The following FLNA variants were observed in gnomAD, a reference collection of about 807,000 sequenced individuals.
FLNA encodes the protein filamin-A.
Under a neutral mutation model 157.6 loss-of-function variants are expected in FLNA, and 7 were observed. That is an observed-to-expected ratio of 0.04 (90% CI 0.03 to 0.08). FLNA has a LOEUF of 0.08. Among genes scored for constraint, FLNA ranks in the 10% least tolerant of loss-of-function variants. FLNA has a pLI of 1.00. For synonymous variants in FLNA, 1,103 were observed against 1,060.8 expected (o/e 1.04, Z -0.77); for missense variants, 1,750 against 2,398.4 (o/e 0.73, Z 5.65).
At position 154,348,987 on chromosome X, in the gene FLNA, C is replaced by T. The variant is rs1557175177; in HGVS notation, c.7806G>A (p.Glu2602=). 2 of 1,211,541 alleles carry T rather than the reference C, an allele frequency of 1.7e-6. No individual in the cohort carries two copies. Among genetic ancestry groups the T allele is most frequent in the East Asian group, 3.0e-5 (1 of 33,849 alleles). Residue 2602 remains glutamate, a synonymous_variant, in exon 48 of 48, where the codon GAG becomes GAA. Transcript: ENST00000369850. ...VGVHGPRTPC[E]EILVKHVGSR... ...TGCCCACGTGCTTCACCAGGATCTC[C>T]TCGCAGGGGGTCCTTGGGCCATGAA...
rs2067671791 is a variant in FLNA, at chrX:154,357,468, C to T, written c.4911G>A (p.Val1637=). 5 of 1,209,279 alleles carry T rather than the reference C, an allele frequency of 4.1e-6. No homozygotes were observed. The Admixed American group carries it at 8.7e-5, about 21-fold the overall frequency. The change falls in exon 29 of 48, where the codon GTG becomes GTA. Residue 1637 remains valine (V), a synonymous_variant. Coordinates refer to ENST00000369850, the MANE Select transcript of FLNA (RefSeq NM_001110556.2). ...IPFSPYRVRA[V]PTGDASKCTV... is the part of the protein sequence containing the mutation. ...TGCACTTGCTGGCGTCCCCGGTGGGCACGGCACGCACGCGGTACGGGGAGA... is the reference window on the plus strand; with the variant it reads ...TGCACTTGCTGGCGTCCCCGGTGGGTACGGCACGCACGCGGTACGGGGAGA...
Position 154,354,706 on chromosome X carries a change from C to G in FLNA, c.5223G>C (p.Leu1741=), listed in dbSNP as rs2148107137. 8.3e-7 allele frequency: 1 copy of G among 1,207,421 alleles called. No homozygotes were observed. The highest frequency in any genetic ancestry group is 1.1e-6 in the Non-Finnish European group (1 of 893,419). ...VPNSPFQVTA[L]AGDQPSVQPP... is the part of the protein sequence containing the mutation. ...GCTGCACCGAGGGCTGGTCCCCAGCCAGAGCCTGCAGGGCAAAGCAGAGAG... is the reference window on the plus strand; with the variant it reads ...GCTGCACCGAGGGCTGGTCCCCAGCGAGAGCCTGCAGGGCAAAGCAGAGAG... The change falls in exon 32 of 48, where the codon CTG becomes CTC. Residue 1741 remains leucine, a synonymous_variant. Transcript: ENST00000369850.
In FLNA at chrX:154,366,205, G is replaced by A. The variant is rs781947994; in HGVS notation, c.1248C>T (p.Val416=). ...IFTAGAGTGE[V]EVVIQDPMGQ... ...CCATGGGGTCCTGGATCACAACCTC[G>A]ACCTCGCCCGTGCCAGCTCCTGCCA... The change falls in exon 9 of 48, where the codon GTC becomes GTT. Residue 416 remains valine, a synonymous_variant. Coordinates refer to ENST00000369850, the MANE Select transcript of FLNA (RefSeq NM_001110556.2). 38 of 1,209,205 alleles carry A rather than the reference G, an allele frequency of 3.1e-5. No homozygotes were observed. Among genetic ancestry groups the A allele is most frequent in the African/African-American group, 1.0e-4 (6 of 57,340 alleles).
Position 154,351,687 on chromosome X carries a change from T to A in FLNA, c.6917A>T (p.Glu2306Val). ...TTCCTCGTTGAACTTGACTGAGACT[T>A]CGTAGTCACCTGGGCAGGGAAAGAG... is the stretch of plus-strand genomic sequence containing the variant. ...AYVVQEPGDY[E>V]VSVKFNEEHI... Residue 2306 changes from glutamate to valine, a missense_variant, in exon 43 of 48, where the codon GAA becomes GTA. Physicochemically the swap from Glu to Val is moderately radical, Grantham distance 121. This residue lies in a region of FLNA where 970 missense variants were observed against 1,302.6 expected (regional missense o/e 0.74). Coordinates refer to ENST00000369850, the MANE Select transcript of FLNA (RefSeq NM_001110556.2). 8.4e-7 allele frequency: 1 copy of A among 1,194,328 alleles called. No homozygotes were observed. The highest frequency in any genetic ancestry group is 1.1e-6 in the Non-Finnish European group (1 of 879,631).
rs2067696297 is a variant in FLNA at position 154,360,390 on chromosome X, G to T, written c.3405C>A (p.Asn1135Lys). The T allele has an allele frequency of 8.3e-7, 1 of 1,211,632 alleles. No individual in the cohort carries two copies. The highest frequency in any genetic ancestry group is 1.8e-5 in the South Asian group (1 of 57,039). ...SYVPTEPGDY[N>K]INILFADTHI... ...GGGTGTCAGCGAAGAGGATGTTGATGTTGTAGTCCCCGGGCTCGGTGGGCA... is the reference window on the plus strand; with the variant it reads ...GGGTGTCAGCGAAGAGGATGTTGATTTTGTAGTCCCCGGGCTCGGTGGGCA... The change falls in exon 22 of 48, where the codon AAC becomes AAA. Residue 1135 changes from asparagine (N) to lysine (K), a missense_variant. By Grantham distance (94) the Asn-to-Lys change is moderately conservative (BLOSUM62 0). This residue lies in a region of FLNA where 648 missense variants were observed against 805.8 expected (regional missense o/e 0.80). Coordinates refer to ENST00000369850, the MANE Select transcript of FLNA (RefSeq NM_001110556.2).
Position 154,361,600 on chromosome X carries a change from A to G in FLNA, c.2945-30T>C, listed in dbSNP as rs782275351. The G allele has an allele frequency of 2.5e-6, 3 of 1,209,110 alleles. No individual in the cohort carries two copies. The South Asian group carries it at 5.3e-5, about 21-fold the overall frequency. The stretch of plus-strand genomic sequence containing the variant: ...GGAAACGATGAAAGGAAGGAGAGAG[A>G]CATGACACCCAGCTCAGCCAATCCC... On this transcript the variant is annotated intron_variant, in intron 20 of 47. Transcript: ENST00000369850.
intron 21 of FLNA, among the ~76,000 whole-genome samples, chrX:154,361,072 AAAAAAAAGAAAGAAAAAAAAAAAAAAG>A (rs2067704995): frequency 3.2e-5 from 3 of 94,109 alleles, no homozygotes; most frequent in Non-Finnish European, 6.3e-5. Context: ...AAAAAAAAAA[AAAAAAAAGAAAGAAAAAAAAAAAAAAG>A]AAATTCTTCA....
At chrX:154,361,889 A>C in intron 19 of FLNA, 90 bp downstream of exon 19, 1 of 1,114,383 alleles carries the variant, frequency 9.0e-7, no homozygotes, top group Non-Finnish European at 1.2e-6. Context: ...GTAAGGAATG[A>C]GAGTGGGCAG....
In FLNA at chrX:154,362,514, G is replaced by A. The variant is rs781847376; in HGVS notation, c.2469C>T (p.Asp823=). 2 of 1,210,361 alleles carry A rather than the reference G, an allele frequency of 1.7e-6. No individual in the cohort carries two copies. The highest frequency in any genetic ancestry group is 2.2e-5 in the Admixed American group (1 of 45,976). The change falls in exon 17 of 48, where the codon GAC becomes GAT. Residue 823 remains aspartate (D), a synonymous_variant. Coordinates refer to ENST00000369850, the MANE Select transcript of FLNA (RefSeq NM_001110556.2). ...GVVGPAEADI[D]FDIIRNDNDT... is the part of the protein sequence containing the mutation. ...CATTGTCATTGCGGATGATGTCGAA[G>A]TCGATGTCAGCTTCGGCGGGGCCTA...
rs781882457 is a variant in FLNA, at chrX:154,354,216, C to T, written c.5492G>A (p.Arg1831Gln). 2.8e-5 allele frequency: 34 copies of T among 1,210,607 alleles called. No homozygotes were observed. Among genetic ancestry groups the T allele is most frequent in the African/African-American group, 1.6e-4 (9 of 57,645 alleles). The change falls in exon 34 of 48, where the codon CGG becomes CAG. Residue 1831 changes from arginine (R) to glutamine (Q), a missense_variant. By Grantham distance (43) the Arg-to-Gln change is conservative (BLOSUM62 1). Transcript: ENST00000369850. ...TDNKDGTVTVRYAPSEAGLHE... is the reference protein window; with the variant it reads ...TDNKDGTVTVQYAPSEAGLHE... The stretch of plus-strand genomic sequence containing the variant: ...CAGGCCAGCCTCGCTGGGTGCATAC[C>T]GCACGGTCACGGTGCCGTCTTTGTT...
chrX:154,362,877 C>T, intron 15 of FLNA, 93 bp from the exon 16 acceptor site: 1 of 1,014,384 alleles, frequency 9.9e-7, no homozygotes, highest in South Asian at 2.2e-5. Flanking sequence ...CAAAATGGTC[C>T]AGCTGCCTTG....
chrX:154,364,658 G>A lies in FLNA; in HGVS notation c.1890C>T (p.Ser630=). 1 of 1,210,856 alleles carries A rather than the reference G, an allele frequency of 8.3e-7. No individual in the cohort carries two copies. The part of the protein sequence containing the change: ...KIECDDKGDG[S]CDVRYWPQEA... ...CCTGCGGCCAGTAGCGCACATCACA[G>A]GAGCCGTCGCCCTTGTCGTCACATT... Residue 630 remains serine (S), a synonymous_variant, in exon 13 of 48, where the codon TCC becomes TCT. Coordinates refer to ENST00000369850, the MANE Select transcript of FLNA (RefSeq NM_001110556.2).
Position 154,364,095 on chromosome X carries a change from A to T in FLNA, c.2207T>A (p.Val736Glu), listed in dbSNP as rs781979188. ...TGTGTGCTTCACCGGCTTCCTGGGC[A>T]CGTAGGAGCAGCTGTAAGTGCCATT... ...NGNGTYSCSY[V>E]PRKPVKHTAM... The change falls in exon 15 of 48, where the codon GTG becomes GAG. Residue 736 changes from valine to glutamate, a missense_variant. Val to Glu is a moderately radical substitution (Grantham distance 121, BLOSUM62 -2). Coordinates refer to ENST00000369850, the MANE Select transcript of FLNA (RefSeq NM_001110556.2). The T allele has an allele frequency of 9.1e-6, 11 of 1,210,624 alleles. 1 individual carries two copies. The South Asian group carries it at 1.9e-4, about 21-fold the overall frequency.
chrX:154,369,308 A>G (rs1282740836), intron 2 of FLNA, among the ~76,000 whole-genome samples: 2 of 112,523 alleles, frequency 1.8e-5, no homozygotes, highest in African/African-American at 6.5e-5. Context: ...CCAGGGAACA[A>G]GGCCAGCCAG....
In FLNA at chrX:154,349,426, G is replaced by A. The variant is rs2067600858; in HGVS notation, c.7692C>T (p.Gly2564=). 8.3e-7 allele frequency: 1 copy of A among 1,212,073 alleles called. No homozygotes were observed. Among genetic ancestry groups the A allele is most frequent in the East Asian group, 3.0e-5 (1 of 33,875 alleles). ...PADASKVVAK[G]LGLSKAYVGQ... ...CTACGTAGGCCTTGCTCAGCCCCAG[G>A]CCCTTGGCCACCACCTTGCTGGCGT... The change falls in exon 47 of 48, where the codon GGC becomes GGT. Residue 2564 remains glycine (G), a synonymous_variant. Transcript: ENST00000369850.
rs2067740737 is a variant in FLNA, at chrX:154,364,564, C to G, written c.1984G>C (p.Asp662His). ...AAGTCCTGGGGCGCGTCACGGATGTCAGCCATGAAGGGGCTGAGGCGGATG... is the reference window on the plus strand; with the variant it reads ...AAGTCCTGGGGCGCGTCACGGATGTGAGCCATGAAGGGGCTGAGGCGGATG... The part of the protein sequence containing the change: ...EDIRLSPFMA[D>H]IRDAPQDFHP... The change falls in exon 13 of 48, where the codon GAC (aspartate) becomes CAC (histidine). Residue 662 changes from aspartate (D) to histidine (H), a missense_variant. Transcript: ENST00000369850. 1 of 1,208,885 alleles carries G rather than the reference C, an allele frequency of 8.3e-7. No homozygotes were observed. Among genetic ancestry groups the G allele is most frequent in the Admixed American group, 2.2e-5 (1 of 45,768 alleles).
At chrX:154,362,217 CCT>C in intron 18 of FLNA, 23 bp downstream of exon 18, 5 of 1,209,262 alleles carry the variant, frequency 4.1e-6, no homozygotes, top group Non-Finnish European at 4.5e-6. Context: ...TGCCCCGCAA[CCT>C]GCCATGGGGT....
chrX:154,352,039 G>C lies in FLNA; in HGVS notation c.6770-18C>G, dbSNP rs1348983735. On this transcript the variant is annotated intron_variant, in intron 41 of 47. Transcript: ENST00000369850. ...GAATTCGGCTGTGGGAGAACAGTTT[G>C]TCCTCACTGAAGGCTGCTTCACCAG... The C allele has an allele frequency of 1.7e-6, 2 of 1,210,289 alleles. No individual in the cohort carries two copies. The highest frequency in any genetic ancestry group is 1.1e-6 in the Non-Finnish European group (1 of 895,275).
rs1557179289 is a variant in FLNA, at chrX:154,366,448, T to A, written c.1088A>T (p.Gln363Leu). The A allele has an allele frequency of 8.3e-7, 1 of 1,211,393 alleles. No homozygotes were observed. Among genetic ancestry groups the A allele is most frequent in the Non-Finnish European group, 1.1e-6 (1 of 895,213 alleles). The change falls in exon 8 of 48, where the codon CAG becomes CTG. Residue 363 changes from glutamine (Q) to leucine (L), a missense_variant. By Grantham distance (113) the Gln-to-Leu change is moderately radical (BLOSUM62 -2). Coordinates refer to ENST00000369850, the MANE Select transcript of FLNA (RefSeq NM_001110556.2). ...CTCGAAGGGGCTCTTGGCGATGTGC[T>A]GGCCAGCAAAGAGCACAGTAACCTG... ...THKVTVLFAG[Q>L]HIAKSPFEVY...
Sources: allele counts gnomAD v4.1 joint callset (sites outside exome capture counted in the v4.1 genomes callset), GRCh38; gene constraint gnomAD v4.1.1; regional missense constraint gnomAD v4.1.1; transcripts MANE v1.5; gene names NCBI Gene and HGNC (gene_info 2026-07-23, HGNC 2026-07-21).